CUBN: variants seen among roughly 807,000 people sequenced by gnomAD.
CUBN encodes 460 kDa receptor.
Under a neutral mutation model 405.3 loss-of-function variants are expected in CUBN, and 282 were observed. That is an observed-to-expected ratio of 0.70 (90% CI 0.63 to 0.77). The LOEUF (loss-of-function observed/expected upper bound fraction) is 0.77, where lower values mean the gene tolerates loss of function less well. CUBN is among the 30% of genes least tolerant of loss of function. The pLI is 0.00. For synonymous variants in CUBN, 1,684 were observed against 1,617.0 expected (o/e 1.04, Z -0.99); for missense variants, 4,514 against 4,475.2 (o/e 1.01, Z -0.25).
chr10:16,934,214 G>C (rs1408263489), intron 39 of CUBN, among the ~76,000 whole-genome samples: 10 of 152,114 alleles, frequency 6.6e-5, no homozygotes, highest in African/African-American at 2.4e-4. Flanking sequence ...GATTTTTCTT[G>C]AATAAATATG....
intron 55 of CUBN, 61 bp downstream of exon 55, chr10:16,890,310 C>T (rs1840965306): frequency 1.3e-6 from 2 of 1,581,272 alleles, no homozygotes; most frequent in Non-Finnish European, 1.7e-6. Flanking sequence ...GCCAACCCTG[C>T]CTGCCTGTGA....
intron 56 of CUBN, among the ~76,000 whole-genome samples, chr10:16,887,192 G>T (rs1045003836): frequency 6.6e-6 from 1 of 152,246 alleles, no homozygotes; most frequent in African/African-American, 2.4e-5. Context: ...GTGTGTGCAT[G>T]AATGTGGGTG....
chr10:16,966,496 T>C (rs1843396287), intron 31 of CUBN, among the ~76,000 whole-genome samples: 1 of 151,974 alleles, frequency 6.6e-6, no homozygotes, highest in South Asian at 2.1e-4. Flanking sequence ...TCGCCCAGAA[T>C]GGAGTGCAGT....
chr10:16,911,059 C>T (rs1340560813), intron 48 of CUBN, among the ~76,000 whole-genome samples: 6 of 151,964 alleles, frequency 3.9e-5, no homozygotes, highest in African/African-American at 7.3e-5. Flanking sequence ...TTGCAGCTGA[C>T]GTACAAAGGC....
chr10:17,128,110 C>T (rs1258760862), intron 2 of CUBN, among the ~76,000 whole-genome samples, 186 bp from the exon 3 acceptor site: 1 of 152,184 alleles, frequency 6.6e-6, no homozygotes, highest in Non-Finnish European at 1.5e-5. Flanking sequence ...CAGCATAATT[C>T]CACTTATCCT....
intron 27 of CUBN, among the ~76,000 whole-genome samples, chr10:17,021,183 G>A (rs965924806): frequency 2.6e-5 from 4 of 151,660 alleles, no homozygotes; most frequent in Non-Finnish European, 4.4e-5. Context: ...TGATGTCTTC[G>A]TCCATTTTTC....
chr10:16,931,326 T>C (rs754367166), intron 40 of CUBN, among the ~76,000 whole-genome samples: 1 of 151,804 alleles, frequency 6.6e-6, no homozygotes, highest in East Asian at 1.9e-4. Context: ...ATGACTACAA[T>C]ACTCACCAAC....
At chr10:17,094,860 A>G (rs1368136219) in intron 14 of CUBN, among the ~76,000 whole-genome samples, 1 of 152,082 alleles carries the variant, frequency 6.6e-6, no homozygotes, top group Non-Finnish European at 1.5e-5. Context: ...TATTTTTCAC[A>G]AAATAGAAAA....
intron 22 of CUBN, among the ~76,000 whole-genome samples, chr10:17,054,255 C>G (rs1306061836): frequency 6.7e-6 from 1 of 148,808 alleles, no homozygotes; most frequent in Admixed American, 6.7e-5. Flanking sequence ...CACTTGAAAC[C>G]AGGAGGCGGA....
chr10:16,919,972 A>T lies in CUBN; in HGVS notation c.6812T>A (p.Val2271Glu). ...LQFEDRFDIE[V>E]TPNCTSNYLE... ...AATGGAAGTGACATACTTGGGTGTT[A>T]CTTCAATATCGAATCGATCTTCAAA... The change falls in exon 44 of 67, where the codon GTA (valine) becomes GAA (glutamate). Residue 2271 changes from valine (V) to glutamate (E), a missense_variant. Physicochemically the swap from Val to Glu is moderately radical, Grantham distance 121. Transcript: ENST00000377833. 5.0e-6 allele frequency: 8 copies of T among 1,613,086 alleles called. No individual in the cohort carries two copies. The highest frequency in any genetic ancestry group is 6.8e-6 in the Non-Finnish European group (8 of 1,179,926).
At chr10:17,014,961 T>C (rs77260292) in intron 28 of CUBN, among the ~76,000 whole-genome samples, 3,130 of 152,242 alleles carry the variant, frequency 0.021, 31 homozygotes, top group African/African-American at 0.028. Flanking sequence ...TCTGCCTCCC[T>C]TGGCATTTGA....
At chr10:16,902,238 C>CTATATATATTTGTATATATAGTA (rs1444469882) in intron 51 of CUBN, among the ~76,000 whole-genome samples, 3 of 123,742 alleles carry the variant, frequency 2.4e-5, no homozygotes, top group South Asian at 2.4e-4. Flanking sequence ...TATATATATA[C>CTATATATATTTGTATATATAGTA]TATATATATT....
intron 31 of CUBN, among the ~76,000 whole-genome samples, chr10:16,974,242 A>C (rs1167475422): frequency 6.6e-6 from 1 of 152,178 alleles, no homozygotes; most frequent in Non-Finnish European, 1.5e-5. Context: ...CTAGAATATC[A>C]CAAAGTCCAG....
chr10:17,039,208 C>G lies in CUBN; in HGVS notation c.4017+1825G>C, dbSNP rs74480305. Among the ~76,000 whole-genome samples the G allele has an allele frequency of 9.7e-3, 1,480 of 152,250 alleles. 20 individuals carry two copies. The highest frequency in any genetic ancestry group is 0.032 in the African/African-American group (1,335 of 41,538). ...AGCACACTGTTATACGTGCAACGCT[C>G]GGCAAGATCATGAGTCCTATTTTGG... is the stretch of plus-strand genomic sequence containing the variant. On this transcript the variant is annotated intron_variant, in intron 27 of 66. Coordinates refer to ENST00000377833, the MANE Select transcript of CUBN (RefSeq NM_001081.4).
chr10:16,910,937 G>C (rs1177175075), intron 48 of CUBN, among the ~76,000 whole-genome samples: 1 of 152,142 alleles, frequency 6.6e-6, no homozygotes, highest in Non-Finnish European at 1.5e-5. Flanking sequence ...AATTAACCAA[G>C]AAAGGGACGT....
Position 16,890,771 on chromosome 10 carries a change from A to T in CUBN, c.8599-244T>A, listed in dbSNP as rs45452196. On this transcript the variant is annotated intron_variant, in intron 54 of 66. Transcript: ENST00000377833. The stretch of plus-strand genomic sequence containing the variant: ...TTCCTTTTTGCATAGCTGGGTGGTG[A>T]TTTTTTAAAAATCCACCTTCCTGGA... Among the ~76,000 whole-genome samples, 1,623 of 152,032 alleles carry T rather than the reference A, an allele frequency of 0.011. 11 individuals carry two copies. Among genetic ancestry groups the T allele is most frequent in the Middle Eastern group, 0.02 (6 of 294 alleles).
At chr10:17,109,091 T>C (rs1836706028) in intron 10 of CUBN, among the ~76,000 whole-genome samples, 1 of 152,262 alleles carries the variant, frequency 6.6e-6, no homozygotes, top group African/African-American at 2.4e-5. Context: ...TGTCGGTGAA[T>C]ACATAAATTG....
intron 15 of CUBN, among the ~76,000 whole-genome samples, chr10:17,087,365 G>C (rs1422750931): frequency 6.6e-6 from 1 of 151,842 alleles, no homozygotes; most frequent in African/African-American, 2.4e-5. Flanking sequence ...TTTTACTAAT[G>C]GGTAGGCAGA....
chr10:16,970,789 T>C (rs1186946882), intron 31 of CUBN, among the ~76,000 whole-genome samples: 1 of 152,122 alleles, frequency 6.6e-6, no homozygotes. Flanking sequence ...CATTTCTGGA[T>C]CTCAGTATCT....
Sources: gnomAD v4.1 joint callset for allele counts (sites outside exome capture counted in the v4.1 genomes callset) on GRCh38, gnomAD v4.1.1 for gene constraint, MANE v1.5 for transcripts, NCBI Gene and HGNC (gene_info 2026-07-23, HGNC 2026-07-21) for gene names.